CCDC7: variants seen among roughly 807,000 people sequenced by gnomAD.
The protein encoded by CCDC7 is coiled-coil domain-containing protein 7.
CCDC7 carries 183 observed loss-of-function variants against 196.9 expected under a neutral mutation model. The observed-to-expected ratio is 0.93, with a 90% CI of 0.82 to 1.05. The LOEUF (loss-of-function observed/expected upper bound fraction) is 1.05. CCDC7 is among the 50% of genes least tolerant of loss of function. The pLI is 0.00. For synonymous variants in CCDC7, 525 were observed against 484.6 expected (o/e 1.08, Z -1.10); for missense variants, 1,540 against 1,482.2 (o/e 1.04, Z -0.64).
chr10:32,583,522 A>G (rs1209619111), intron 17 of CCDC7, among the ~76,000 whole-genome samples: 3 of 152,058 alleles, frequency 2.0e-5, no homozygotes, highest in Admixed American at 1.3e-4. Flanking sequence ...ATTGTTTAAT[A>G]TTGATTAAAA....
chr10:32,864,988 A>C (rs571266507), intron 41 of CCDC7, among the ~76,000 whole-genome samples: 1 of 152,024 alleles, frequency 6.6e-6, no homozygotes, highest in East Asian at 1.9e-4. Flanking sequence ...CATGTACCTA[A>C]ATCTTAAATC....
intron 9 of CCDC7, chr10:32,513,770 C>G (rs1333175191): frequency 2.6e-5 from 4 of 152,144 alleles, no homozygotes; most frequent in African/African-American, 9.7e-5. Flanking sequence ...TCGCTAGATT[C>G]AGTAAATGCA....
chr10:32,583,006 T>C, intron 16 of CCDC7, 28 bp from the exon 18 acceptor site: 3 of 1,221,132 alleles, frequency 2.5e-6, no homozygotes, highest in Non-Finnish European at 3.1e-6. Flanking sequence ...TCACATAATC[T>C]AATACCAGAT....
chr10:32,471,985 A>G (rs939490481), intron 6 of CCDC7, among the ~76,000 whole-genome samples: 1 of 152,178 alleles, frequency 6.6e-6, no homozygotes, highest in Admixed American at 6.5e-5. Flanking sequence ...TGATTTTCAT[A>G]ACTACTTTAT....
intron 20 of CCDC7, among the ~76,000 whole-genome samples, chr10:32,653,407 A>G (rs1273066124): frequency 2.6e-5 from 4 of 151,958 alleles, no homozygotes; most frequent in Non-Finnish European, 5.9e-5. Flanking sequence ...AAGAAGAAAG[A>G]TTTTTCTACA....
At chr10:32,546,452 A>G (rs2052473213) in intron 13 of CCDC7, among the ~76,000 whole-genome samples, 1 of 152,230 alleles carries the variant, frequency 6.6e-6, no homozygotes, top group Non-Finnish European at 1.5e-5. Context: ...AAATTGGGGT[A>G]GAGACAGCTA....
chr10:32,828,485 G>GGAAGAGGAAGAAGAAGAAGAAGAA (rs2091618916), intron 32 of CCDC7, among the ~76,000 whole-genome samples: 1 of 49,676 alleles, frequency 2.0e-5, no homozygotes, highest in Non-Finnish European at 4.4e-5. Flanking sequence ...AAGAGGAAGA[G>GGAAGAGGAAGAAGAAGAAGAAGAA]GAAGAAGAAG....
chr10:32,519,358 G>T (rs1035169736), intron 11 of CCDC7, among the ~76,000 whole-genome samples: 5 of 152,124 alleles, frequency 3.3e-5, no homozygotes, highest in Non-Finnish European at 7.4e-5. Flanking sequence ...TTGAAAAAAC[G>T]CTGGAGCTTC....
At chr10:32,571,772 C>T in intron 15 of CCDC7, 87 bp from the exon 17 acceptor site, 1 of 1,235,698 alleles carries the variant, frequency 8.1e-7, no homozygotes, top group Non-Finnish European at 1.1e-6. Flanking sequence ...TATTAAAAAA[C>T]TACCTTAAAT....
At chr10:32,561,270 G>A (rs887405705) in intron 13 of CCDC7, among the ~76,000 whole-genome samples, 1 of 151,036 alleles carries the variant, frequency 6.6e-6, no homozygotes, top group African/African-American at 2.4e-5. Flanking sequence ...GACAAGCCAG[G>A]AATTGAACTC....
intron 18 of CCDC7, among the ~76,000 whole-genome samples, chr10:32,592,494 G>T (rs150958605): frequency 4.0e-5 from 6 of 151,644 alleles, no homozygotes; most frequent in South Asian, 2.1e-4. Flanking sequence ...TACAACTTTC[G>T]CTGCATCTTA....
chr10:32,605,669 T>C (rs1456977764), intron 18 of CCDC7, among the ~76,000 whole-genome samples: 1 of 152,206 alleles, frequency 6.6e-6, no homozygotes, highest in Non-Finnish European at 1.5e-5. Flanking sequence ...AAGTTTAGAC[T>C]TAGGGTATCT....
chr10:32,826,148 C>T (rs1305319317), intron 32 of CCDC7, among the ~76,000 whole-genome samples: 2 of 152,142 alleles, frequency 1.3e-5, no homozygotes, highest in African/African-American at 4.8e-5. Flanking sequence ...CTCCAACATC[C>T]CTGTTTGCTT....
At chr10:32,786,543 T>C (rs997508730) in intron 29 of CCDC7, among the ~76,000 whole-genome samples, 1 of 152,170 alleles carries the variant, frequency 6.6e-6, no homozygotes, top group East Asian at 1.9e-4. Flanking sequence ...GGTGGATCAA[T>C]TGAGGCCAGG....
chr10:32,447,984 A>T (rs2031857696), upstream of CCDC7, among the ~76,000 whole-genome samples: 1 of 152,234 alleles, frequency 6.6e-6, no homozygotes, highest in Non-Finnish European at 1.5e-5. Flanking sequence ...TATTATCATC[A>T]GTAATTTCCA....
chr10:32,591,505 T>C (rs1411932817), intron 18 of CCDC7, among the ~76,000 whole-genome samples: 1 of 119,526 alleles, frequency 8.4e-6, no homozygotes, highest in East Asian at 2.8e-4. Flanking sequence ...TGCTTGTTTT[T>C]TTGTTTGTTT....
intron 30 of CCDC7, among the ~76,000 whole-genome samples, chr10:32,812,896 T>C (rs940401544): frequency 4.6e-5 from 7 of 152,176 alleles, no homozygotes; most frequent in African/African-American, 1.7e-4. Flanking sequence ...TCTGCCGATG[T>C]TTCCAGTTTT....
rs1565634639 is a variant in CCDC7, at chr10:32,828,498, GAAGAAGAAGAAGAAGAA to G, written c.3268+3895_3268+3911del. ...GGAAGAGGAAGAGGAAGAAGAAGAA[GAAGAAGAAGAAGAAGAA>G]GAAGAAGAAGAAGAAGAAGAAGAAG... is the stretch of plus-strand genomic sequence containing the variant. On this transcript the variant is annotated intron_variant, in intron 32 of 41. Coordinates refer to ENST00000639629, the Ensembl canonical transcript of CCDC7. 1.6e-3 allele frequency among the ~76,000 whole-genome samples: 178 copies of G among 112,814 alleles called. 1 individual carries two copies. The highest frequency in any genetic ancestry group is 2.8e-3 in the Non-Finnish European group (150 of 54,160). The allele number at this position is 112,814 out of a possible 152,430, so 74.0% of individuals were successfully genotyped here. A position where few individuals can be genotyped will look rare whatever the true frequency, so the allele number is the denominator to read the frequency against.
intron 39 of CCDC7, 27 bp from the exon 41 acceptor site, chr10:32,851,780 G>A: frequency 1.3e-6 from 2 of 1,597,846 alleles, no homozygotes; most frequent in Non-Finnish European, 1.7e-6. Context: ...CTATTGTATG[G>A]CTAACATATT....
Sources: gnomAD v4.1 joint callset for allele counts (sites outside exome capture counted in the v4.1 genomes callset) on GRCh38, gnomAD v4.1.1 for gene constraint, MANE v1.5 for transcripts, NCBI Gene and HGNC (gene_info 2026-07-23, HGNC 2026-07-21) for gene names.